Variants in IER3IP1 observed in about 807,000 individuals in gnomAD.
The protein encoded by IER3IP1 is immediate early response 3 interacting protein 1.
A neutral mutation model predicts 12.2 loss-of-function variants in IER3IP1; 16 were observed. That is an observed-to-expected ratio of 1.31 (90% CI 0.89 to 1.99). The LOEUF (loss-of-function observed/expected upper bound fraction) is 1.99, where lower values mean the gene tolerates loss of function less well. Among genes scored for constraint, IER3IP1 ranks in the 30% most tolerant of loss-of-function variants. The pLI is 0.00. For missense variants in IER3IP1, 95 were observed against 95.8 expected (o/e 0.99, Z 0.03); for synonymous variants, 42 against 40.0 (o/e 1.05, Z -0.19).
Position 47,160,587 on chromosome 18 carries a change from C to T in IER3IP1, c.92-3050G>A, listed in dbSNP as rs566912336. ...AAAGACAAGAACATGGTAATAGTTCCGCCTAACATGATGCACCTAACATGA... is the reference window on the plus strand; with the variant it reads ...AAAGACAAGAACATGGTAATAGTTCTGCCTAACATGATGCACCTAACATGA... On this transcript the variant is annotated intron_variant, in intron 1 of 2. Coordinates refer to ENST00000256433, the MANE Select transcript of IER3IP1 (RefSeq NM_016097.5). Among the ~76,000 whole-genome samples the T allele has an allele frequency of 9.2e-4, 140 of 152,236 alleles. 4 individuals carry two copies. The highest frequency in any genetic ancestry group is 9.0e-3 in the Admixed American group (138 of 15,280).
chr18:47,157,600 C>T, intron 1 of IER3IP1, 63 bp from the exon 2 acceptor site: 1 of 1,407,788 alleles, frequency 7.1e-7, no homozygotes, highest in Non-Finnish European at 1.0e-6. Context: ...TCCCTGTCAT[C>T]TTCTAAAAGA....
chr18:47,159,621 A>C (rs1440271093), intron 1 of IER3IP1, among the ~76,000 whole-genome samples: 2 of 152,196 alleles, frequency 1.3e-5, no homozygotes, highest in Admixed American at 6.5e-5. Context: ...ACTGAAAAAG[A>C]AAAAGAAGAA....
intron 1 of IER3IP1, among the ~76,000 whole-genome samples, chr18:47,159,613 TGAAAAA>T (rs1181537837): frequency 3.9e-5 from 6 of 151,936 alleles, no homozygotes; most frequent in African/African-American, 1.2e-4. Flanking sequence ...TGAAAACAAC[TGAAAAA>T]GAAAAAGAAG....
intron 1 of IER3IP1, among the ~76,000 whole-genome samples, chr18:47,160,112 T>C (rs2063975208): frequency 6.6e-6 from 1 of 152,218 alleles, no homozygotes; most frequent in East Asian, 1.9e-4. Flanking sequence ...GGAGAATTGC[T>C]TGAACCCGGG....
At position 47,155,895 on chromosome 18, in the gene IER3IP1, T is replaced by G; in HGVS notation, c.*282A>C. The G allele has an allele frequency of 3.4e-6, 1 of 297,142 alleles. No homozygotes were observed. The highest frequency in any genetic ancestry group is 6.2e-6 in the Non-Finnish European group (1 of 161,502). 18.4% of individuals were successfully genotyped at this position (297,142 alleles called of 1,614,324 possible). ...AAGAGAAGCAACAGTCTTGCACCCT[T>G]TTAACAATCTCACCACAGCATGAAC... On this transcript the variant is annotated 3_prime_UTR_variant, in exon 3 of 3. Transcript: ENST00000256433.
chr18:47,166,511 C>T (rs936917396), intron 1 of IER3IP1, among the ~76,000 whole-genome samples: 1 of 152,058 alleles, frequency 6.6e-6, no homozygotes, highest in Non-Finnish European at 1.5e-5. Context: ...AAATGGTACA[C>T]AGGACAAATA....
intron 2 of IER3IP1, chr18:47,157,202 C>A: frequency 3.9e-6 from 2 of 518,026 alleles, no homozygotes; most frequent in Admixed American, 3.7e-5. Context: ...AACACACAAA[C>A]AGATTATATG....
chr18:47,175,636 T>C (rs1221830816), intron 1 of IER3IP1, among the ~76,000 whole-genome samples: 2 of 152,098 alleles, frequency 1.3e-5, no homozygotes, highest in African/African-American at 2.4e-5. Flanking sequence ...CTAATCTTTG[T>C]ATTTTTAGTA....
At chr18:47,168,410 A>G (rs539935517) in intron 1 of IER3IP1, among the ~76,000 whole-genome samples, 10 of 152,314 alleles carry the variant, frequency 6.6e-5, no homozygotes, top group African/African-American at 2.2e-4. Context: ...AACATTATTC[A>G]GCCTGTAGCA....
At chr18:47,157,359 G>T in intron 2 of IER3IP1, 77 bp downstream of exon 2, 1 of 1,168,134 alleles carries the variant, frequency 8.6e-7, no homozygotes, top group Non-Finnish European at 1.3e-6. Context: ...GGCATATATG[G>T]TATTCACACT....
chr18:47,156,611 T>G (rs1218394854), intron 2 of IER3IP1, among the ~76,000 whole-genome samples: 1 of 152,188 alleles, frequency 6.6e-6, no homozygotes, highest in Non-Finnish European at 1.5e-5. Context: ...GTCATTTTAC[T>G]ACATTAAAAA....
chr18:47,154,585 GCTT>G lies in IER3IP1; in HGVS notation c.*1589_*1591del, dbSNP rs1276506785. 6.6e-6 allele frequency: 1 copy of G among 152,162 alleles called. No individual in the cohort carries two copies. The highest frequency in any genetic ancestry group is 1.5e-5 in the Non-Finnish European group (1 of 68,036). The allele number at this position is 152,162 out of a possible 1,614,324, so 9.4% of individuals were successfully genotyped here. On this transcript the variant is annotated 3_prime_UTR_variant, in exon 3 of 3. Coordinates refer to ENST00000256433, the MANE Select transcript of IER3IP1 (RefSeq NM_016097.5). ...GAAATGGGCCTGCCCTCAAGTAACT[GCTT>G]CTTTTGAATCTTTTCAGTAGCTCAA...
rs2063950555 is a variant in IER3IP1 at position 47,154,213 on chromosome 18, A to G, written c.*1964T>C. The G allele has an allele frequency of 6.6e-6, 1 of 152,242 alleles. No homozygotes were observed. The highest frequency in any genetic ancestry group is 1.9e-4 in the East Asian group (1 of 5,192). The allele number at this position is 152,242 out of a possible 1,614,324, so 9.4% of individuals were successfully genotyped here. On this transcript the variant is annotated 3_prime_UTR_variant, in exon 3 of 3. Transcript: ENST00000256433. Reference sequence around the variant, plus strand: ...GGCACTTAAGTTACTGTCTACTAAAATAACACACTCTGTTTACTGAATCAC... The same window carrying G: ...GGCACTTAAGTTACTGTCTACTAAAGTAACACACTCTGTTTACTGAATCAC...
chr18:47,154,647 A>G lies in IER3IP1; in HGVS notation c.*1530T>C, dbSNP rs1372861373. On this transcript the variant is annotated 3_prime_UTR_variant, in exon 3 of 3. Coordinates refer to ENST00000256433, the MANE Select transcript of IER3IP1 (RefSeq NM_016097.5). ...TCAGGCATCAGTTCTTTGTAAGGCTAAAAGAACACGGCCTCTAAGTACCAA... is the reference window on the plus strand; with the variant it reads ...TCAGGCATCAGTTCTTTGTAAGGCTGAAAGAACACGGCCTCTAAGTACCAA... 6.6e-6 allele frequency: 1 copy of G among 152,226 alleles called. No homozygotes were observed. The highest frequency in any genetic ancestry group is 1.5e-5 in the Non-Finnish European group (1 of 68,048). 9.4% of individuals were successfully genotyped at this position (152,226 alleles called of 1,614,324 possible). A position where few individuals can be genotyped will look rare whatever the true frequency, so the allele number is the denominator to read the frequency against.
chr18:47,173,679 C>T (rs1420968860), intron 1 of IER3IP1, among the ~76,000 whole-genome samples: 2 of 152,118 alleles, frequency 1.3e-5, no homozygotes, highest in African/African-American at 4.8e-5. Flanking sequence ...ATTCCTAGGG[C>T]TGCCATAACA....
chr18:47,160,815 T>C (rs1046127098), intron 1 of IER3IP1, among the ~76,000 whole-genome samples: 4 of 152,194 alleles, frequency 2.6e-5, no homozygotes, highest in African/African-American at 9.6e-5. Flanking sequence ...GGAGGACATA[T>C]CTTTTTTCCC....
chr18:47,173,863 C>G (rs1210652401), intron 1 of IER3IP1, among the ~76,000 whole-genome samples: 1 of 152,146 alleles, frequency 6.6e-6, no homozygotes, highest in Non-Finnish European at 1.5e-5. Flanking sequence ...TATACCTTGT[C>G]TTATATATGC....
chr18:47,156,452 C>G (rs1053028079), intron 2 of IER3IP1, among the ~76,000 whole-genome samples: 1 of 152,122 alleles, frequency 6.6e-6, no homozygotes, highest in African/African-American at 2.4e-5. Context: ...AAGGGTTGCA[C>G]TGGAACAGCT....
At chr18:47,164,626 TAAA>T (rs2063990050) in intron 1 of IER3IP1, among the ~76,000 whole-genome samples, 1 of 151,676 alleles carries the variant, frequency 6.6e-6, no homozygotes, top group South Asian at 2.1e-4. Context: ...GACAAAAAGT[TAAA>T]AAGTTAGCCA....
Sources: gnomAD v4.1 joint callset for allele counts (sites outside exome capture counted in the v4.1 genomes callset) on GRCh38, gnomAD v4.1.1 for gene constraint, MANE v1.5 for transcripts, NCBI Gene and HGNC (gene_info 2026-07-23, HGNC 2026-07-21) for gene names.